PKD1L1: variants seen among roughly 807,000 people sequenced by gnomAD.
PKD1L1 encodes the protein polycystin-1-like protein 1.
In PKD1L1, 236 loss-of-function variants were observed where a neutral mutation model predicts 323.4. That is an observed-to-expected ratio of 0.73 (90% CI 0.66 to 0.81). PKD1L1 has a LOEUF of 0.81. PKD1L1 is among the 40% of genes least tolerant of loss of function. The pLI is 0.00. For synonymous variants in PKD1L1, 1,344 were observed against 1,335.0 expected, an observed-to-expected ratio of 1.01 and a Z score of -0.15; for missense variants, 3,320 against 3,508.0, an observed-to-expected ratio of 0.95 and a Z score of 1.35.
chr7:47,904,350 A>G (rs749576283), intron 12 of PKD1L1, 28 bp downstream of exon 12: 7 of 1,613,266 alleles, frequency 4.3e-6, no homozygotes, highest in Non-Finnish European at 8.5e-7. Flanking sequence ...GTCTGTAGAG[A>G]GCACTCCGCC....
chr7:47,805,171 T>G (rs1370876200), intron 52 of PKD1L1, among the ~76,000 whole-genome samples: 1 of 152,132 alleles, frequency 6.6e-6, no homozygotes, highest in Non-Finnish European at 1.5e-5. Flanking sequence ...TCTACCTTAT[T>G]AAGACTTGAA....
upstream of PKD1L1, among the ~76,000 whole-genome samples, chr7:47,949,898 G>A (rs894053455): frequency 1.3e-5 from 2 of 152,088 alleles, no homozygotes; most frequent in Admixed American, 6.5e-5. Context: ...TGGGTTAAGG[G>A]GCCTGCTGTT....
At chr7:47,901,704 A>G (rs1319644168) in intron 13 of PKD1L1, among the ~76,000 whole-genome samples, 1 of 152,206 alleles carries the variant, frequency 6.6e-6, no homozygotes, top group Non-Finnish European at 1.5e-5. Context: ...TGGTCTCTGC[A>G]TGCTGATCTC....
At position 47,840,640 on chromosome 7, in the gene PKD1L1, C is replaced by G. The variant is rs1785547590; in HGVS notation, c.5446-73G>C. 8.4e-7 allele frequency: 1 copy of G among 1,186,768 alleles called. No individual in the cohort carries two copies. Among genetic ancestry groups the G allele is most frequent in the Non-Finnish European group, 1.2e-6 (1 of 805,520 alleles). The allele number at this position is 1,186,768 out of a possible 1,614,324, so 73.5% of individuals were successfully genotyped here. ...CACCATGCAATGCTGGGCAGGGCTT[C>G]CTCGCACTTTCTCCCAGCGTCCCAC... On this transcript the variant is annotated intron_variant, in intron 34 of 56. Transcript: ENST00000289672. The surrounding 1 kb of genome is among the most constrained non-coding windows in gnomAD (Gnocchi z 4.1).
At position 47,888,110 on chromosome 7, in the gene PKD1L1, C is replaced by T. The variant is rs141681038; in HGVS notation, c.2716G>A (p.Val906Ile). ...ISWVSFKDTFVNWNDELSLQA... is the reference protein window; with the variant it reads ...ISWVSFKDTFINWNDELSLQA... ...AGAGAGAGTTCGTCATTCCAGTTGA[C>T]GAAGGTGTCTTTAAAGCTGACCCAG... The change falls in exon 17 of 57, where the codon GTC becomes ATC. Residue 906 changes from valine to isoleucine, a missense_variant. Coordinates refer to ENST00000289672, the MANE Select transcript of PKD1L1 (RefSeq NM_138295.5). The T allele has an allele frequency of 3.2e-5, 51 of 1,613,894 alleles. No homozygotes were observed. Among genetic ancestry groups the T allele is most frequent in the South Asian group, 9.9e-5 (9 of 91,070 alleles).
intron 23 of PKD1L1, 29 bp downstream of exon 23, chr7:47,876,068 T>TAGTG: frequency 6.2e-7 from 1 of 1,611,584 alleles, no homozygotes; most frequent in Non-Finnish European, 8.5e-7. Flanking sequence ...TTGGCACAGC[T>TAGTG]AGTGACTCCA....
At position 47,877,488 on chromosome 7, in the gene PKD1L1, C is replaced by T. The variant is rs1476526467; in HGVS notation, c.3663+1G>A. The T allele has an allele frequency of 1.1e-5, 17 of 1,613,644 alleles. No homozygotes were observed. The highest frequency in any genetic ancestry group is 1.4e-5 in the Non-Finnish European group (17 of 1,179,836). ...GGACAGACATGGGGTTGTCCACGTA[C>T]CGGTTTTCCAGACATGCAGAAGACA... On this transcript the variant is annotated splice_donor_variant, in intron 22 of 56. Coordinates refer to ENST00000289672, the MANE Select transcript of PKD1L1 (RefSeq NM_138295.5). LOFTEE classifies it high-confidence loss of function.
Position 47,866,430 on chromosome 7 carries a change from A to C in PKD1L1, c.4081T>G (p.Phe1361Val). Reference protein sequence around the residue: ...ALISSVCRLAFVDQEEMIGSV... With the variant: ...ALISSVCRLAVVDQEEMIGSV... ...CCTCTGAGCCATACCTGATCTACAA[A>C]AGCCAATCTGCATACTGAAGAAATT... The change falls in exon 25 of 57, where the codon TTT becomes GTT. Residue 1361 changes from phenylalanine to valine, a missense_variant. Transcript: ENST00000289672. 2.5e-6 allele frequency: 4 copies of C among 1,613,306 alleles called. No individual in the cohort carries two copies. Among genetic ancestry groups the C allele is most frequent in the Non-Finnish European group, 2.5e-6 (3 of 1,179,732 alleles).
At chr7:47,870,231 A>G (rs1786253004) in intron 24 of PKD1L1, among the ~76,000 whole-genome samples, 1 of 152,160 alleles carries the variant, frequency 6.6e-6, no homozygotes, top group Non-Finnish European at 1.5e-5. Flanking sequence ...AGGCGGGGAA[A>G]AAAAGAATAA....
chr7:47,824,510 T>C (rs1396577885), intron 45 of PKD1L1, among the ~76,000 whole-genome samples: 1 of 152,224 alleles, frequency 6.6e-6, no homozygotes, highest in East Asian at 1.9e-4. Context: ...CCTAGTTCTT[T>C]TCCGTCCTTA....
chr7:47,932,388 T>A (rs1370557392), intron 4 of PKD1L1, among the ~76,000 whole-genome samples: 1 of 152,222 alleles, frequency 6.6e-6, no homozygotes, highest in Non-Finnish European at 1.5e-5. Context: ...CTGTCTTCCC[T>A]GTGGGGCCTG....
chr7:47,811,895 G>A lies in PKD1L1; in HGVS notation c.7503C>T (p.Leu2501=), dbSNP rs770279635. The stretch of plus-strand genomic sequence containing the variant: ...ATGACTCCACCAGGGATGAGGGGAC[G>A]AGACTCCCCGTAGGGAGGATCTCCA... ...LRVEILPTGS[L]VPSSLVESFS... The change falls in exon 50 of 57, where the codon CTC becomes CTT. Residue 2501 remains leucine, a synonymous_variant. Transcript: ENST00000289672. The A allele has an allele frequency of 4.2e-5, 67 of 1,610,642 alleles. 2 individuals carry two copies. The South Asian group carries it at 6.1e-4, about 15-fold the overall frequency.
intron 46 of PKD1L1, among the ~76,000 whole-genome samples, chr7:47,820,727 A>C (rs974081536): frequency 3.2e-5 from 3 of 95,078 alleles, no homozygotes; most frequent in African/African-American, 5.9e-5. Flanking sequence ...AACTGTCTCA[A>C]AAAGGAAAAA....
At chr7:47,856,455 T>A (rs147215728) in intron 28 of PKD1L1, among the ~76,000 whole-genome samples, 1 of 152,244 alleles carries the variant, frequency 6.6e-6, no homozygotes, top group African/African-American at 2.4e-5. Context: ...ACATTTCTAT[T>A]TGAGTTATAA....
intron 45 of PKD1L1, among the ~76,000 whole-genome samples, chr7:47,825,449 T>G (rs1258459358): frequency 6.6e-6 from 1 of 151,384 alleles, no homozygotes; most frequent in Non-Finnish European, 1.5e-5. Context: ...GAGAATCGCT[T>G]AAACCTGAGA....
intron 34 of PKD1L1, among the ~76,000 whole-genome samples, chr7:47,841,189 TG>T (rs1213481153): frequency 1.1e-4 from 16 of 152,380 alleles, no homozygotes; most frequent in African/African-American, 3.8e-4. Context: ...TCTAATGTTC[TG>T]GAGTTCATTT....
chr7:47,905,914 G>A lies in PKD1L1; in HGVS notation c.1451C>T (p.Ser484Phe), dbSNP rs751296364. ...HFPSIPSYNV[S>F]FISQTQVGDS... ...ACCCACTTGAGTCTGAGAAATAAAGGACACGTTATATGAAGGAATAGATGG... is the reference window on the plus strand; with the variant it reads ...ACCCACTTGAGTCTGAGAAATAAAGAACACGTTATATGAAGGAATAGATGG... Residue 484 changes from serine (S) to phenylalanine (F), a missense_variant, in exon 10 of 57, where the codon TCC becomes TTC. By Grantham distance (155) the Ser-to-Phe change is radical. Coordinates refer to ENST00000289672, the MANE Select transcript of PKD1L1 (RefSeq NM_138295.5). 7 of 1,613,376 alleles carry A rather than the reference G, an allele frequency of 4.3e-6. No homozygotes were observed. The highest frequency in any genetic ancestry group is 5.1e-6 in the Non-Finnish European group (6 of 1,179,736).
rs1436574663 is a variant in PKD1L1 at position 47,911,094 on chromosome 7, T to C, written c.1229-2844A>G. On this transcript the variant is annotated intron_variant, in intron 8 of 56. Transcript: ENST00000289672. ...GAATTGTAATACCCAAAGTTGGAGGTAGAGCTTGGCGGGAGGTGACTGGAT... is the reference window on the plus strand; with the variant it reads ...GAATTGTAATACCCAAAGTTGGAGGCAGAGCTTGGCGGGAGGTGACTGGAT... Among the ~76,000 whole-genome samples, 6 of 152,032 alleles carry C rather than the reference T, an allele frequency of 3.9e-5. No individual in the cohort carries two copies. The South Asian group carries it at 1.0e-3, about 26-fold the overall frequency.
intron 56 of PKD1L1, among the ~76,000 whole-genome samples, chr7:47,781,144 C>A (rs570363221): frequency 6.6e-6 from 1 of 152,168 alleles, no homozygotes; most frequent in Non-Finnish European, 1.5e-5. Flanking sequence ...AGTTCCCTAA[C>A]GGCTAGTGAT....
Sources: gnomAD v4.1 joint callset for allele counts (sites outside exome capture counted in the v4.1 genomes callset) on GRCh38, gnomAD v4.1.1 for gene constraint, Gnocchi (gnomAD v3.1) non-coding constraint, MANE v1.5 for transcripts, NCBI Gene and HGNC (gene_info 2026-07-23, HGNC 2026-07-21) for gene names.